Variants in CD2 observed in about 807,000 individuals in gnomAD.
CD2 encodes the protein CD2 molecule, also known as T-cell surface antigen CD2.
A neutral mutation model predicts 23.2 loss-of-function variants in CD2; 18 were observed. The observed-to-expected ratio is 0.77, with a 90% confidence interval of 0.54 to 1.15. CD2 has a LOEUF of 1.15. Ranked by LOEUF, CD2 falls within the 50% of genes most tolerant of loss-of-function variation. CD2 has a pLI of 0.00. For synonymous variants in CD2, 162 were observed against 151.9 expected, an observed-to-expected ratio of 1.07 and a Z score of -0.49; for missense variants, 424 against 423.1, an observed-to-expected ratio of 1.00 and a Z score of -0.02.
chr1:116,755,278 GTTGCTGATGAA>G (rs1651804026), intron 2 of CD2, among the ~76,000 whole-genome samples: 1 of 152,218 alleles, frequency 6.6e-6, no homozygotes, highest in Non-Finnish European at 1.5e-5. Context: ...ACTGTTCCAG[GTTGCTGATGAA>G]TCGGCGAGCT....
At chr1:116,764,133 T>C (rs1367960681) in intron 3 of CD2, among the ~76,000 whole-genome samples, 1 of 151,978 alleles carries the variant, frequency 6.6e-6, no homozygotes, top group African/African-American at 2.4e-5. Context: ...GGGCCTCATG[T>C]TTGAAGCTAG....
At position 116,754,492 on chromosome 1, in the gene CD2, G is replaced by A; in HGVS notation, c.-1G>A. ...ATCAAAAGAGGAAACCAACCCCTAA[G>A]ATGAGCTTTCCATGTAAATTTGTAG... On this transcript the variant is annotated 5_prime_UTR_variant, in exon 1 of 5. Coordinates refer to ENST00000369478, the MANE Select transcript of CD2 (RefSeq NM_001767.5). 6.2e-7 allele frequency: 1 copy of A among 1,613,924 alleles called. No homozygotes were observed.
chr1:116,755,129 A>G, intron 2 of CD2, 178 bp downstream of exon 2: 9 of 609,644 alleles, frequency 1.5e-5, no homozygotes. Context: ...AATGGGATCC[A>G]CACATCTGAT....
intron 2 of CD2, among the ~76,000 whole-genome samples, chr1:116,755,276 A>G (rs1651803964): frequency 6.6e-6 from 1 of 152,198 alleles, no homozygotes; most frequent in Admixed American, 6.5e-5. Context: ...CAACTGTTCC[A>G]GGTTGCTGAT....
Position 116,760,622 on chromosome 1 carries a change from C to A in CD2, c.603C>A (p.Val201=). 1 of 1,614,008 alleles carries A rather than the reference C, an allele frequency of 6.2e-7. No homozygotes were observed. Among genetic ancestry groups the A allele is most frequent in the South Asian group, 1.1e-5 (1 of 91,038 alleles). Residue 201 remains valine, a synonymous_variant, in exon 3 of 5, where the codon GTC becomes GTA. Coordinates refer to ENST00000369478, the MANE Select transcript of CD2 (RefSeq NM_001767.5). ...KVSKESSVEP[V]SCPEKGLDIY... ...GCAAGGAATCCAGTGTCGAGCCTGT[C>A]AGCTGTCCAGGTGCGTGGCGGGCAT...
chr1:116,764,654 A>T (rs779341130), intron 4 of CD2, 48 bp downstream of exon 4: 2 of 1,395,228 alleles, frequency 1.4e-6, no homozygotes, highest in Non-Finnish European at 2.0e-6. Flanking sequence ...CAAAATCCCC[A>T]TGAAACAGCT....
chr1:116,762,131 G>A (rs1461392211), intron 3 of CD2, among the ~76,000 whole-genome samples: 4 of 152,120 alleles, frequency 2.6e-5, no homozygotes, highest in Admixed American at 6.5e-5. Context: ...CAGTGGCCTC[G>A]GGAGATCTTT....
chr1:116,754,853 A>G lies in CD2; in HGVS notation c.284A>G (p.Lys95Arg). 2 of 1,612,680 alleles carry G rather than the reference A, an allele frequency of 1.2e-6. No homozygotes were observed. Among genetic ancestry groups the G allele is most frequent in the African/African-American group, 1.3e-5 (1 of 75,002 alleles). Residue 95 changes from lysine (K) to arginine (R), a missense_variant, in exon 2 of 5, where the codon AAG (lysine) becomes AGG (arginine). Physicochemically the swap from Lys to Arg is conservative, Grantham distance 26. Transcript: ENST00000369478. ...TTTAAAAATGGAACTCTGAAAATTA[A>G]GCATCTGAAGACCGATGATCAGGAT... ...KLFKNGTLKI[K>R]HLKTDDQDIY... is the part of the protein sequence containing the mutation.
intron 3 of CD2, among the ~76,000 whole-genome samples, chr1:116,762,345 A>T (rs1652080884): frequency 6.6e-6 from 1 of 152,044 alleles, no homozygotes; most frequent in East Asian, 1.9e-4. Context: ...TGTATTAGGG[A>T]TGGAAGGAGG....
At chr1:116,755,292 G>T (rs144572240) in intron 2 of CD2, among the ~76,000 whole-genome samples, 9 of 152,332 alleles carry the variant, frequency 5.9e-5, no homozygotes, top group Admixed American at 5.2e-4. Flanking sequence ...CTGATGAATC[G>T]GCGAGCTAAG....
intron 2 of CD2, among the ~76,000 whole-genome samples, chr1:116,756,843 A>G (rs1318295292): frequency 6.6e-6 from 1 of 152,056 alleles, no homozygotes; most frequent in Admixed American, 6.6e-5. Flanking sequence ...CAAATTCCCT[A>G]TCTGCTGTGA....
chr1:116,765,935 TAAC>T (rs1652202381), intron 4 of CD2, among the ~76,000 whole-genome samples: 2 of 152,264 alleles, frequency 1.3e-5, no homozygotes, highest in East Asian at 1.9e-4. Flanking sequence ...AGGAGATAGA[TAAC>T]AACACAGATG....
At chr1:116,754,592 C>T in intron 1 of CD2, 39 bp downstream of exon 1, 2 of 1,609,468 alleles carry the variant, frequency 1.2e-6, no homozygotes, top group Non-Finnish European at 1.7e-6. Flanking sequence ...CCCAGCTTTC[C>T]CTGAAAGTGA....
rs549176417 is a variant in CD2 at position 116,757,503 on chromosome 1, G to A, written c.382+2552G>A. ...AGACGCTATCTTAGTGAATGTATAC[G>A]GAGGTACTACTCCACAAGGGTGCCC... On this transcript the variant is annotated intron_variant, in intron 2 of 4. Transcript: ENST00000369478. Among the ~76,000 whole-genome samples the A allele has an allele frequency of 2.4e-4, 36 of 152,192 alleles. 2 individuals carry two copies. In the South Asian group the frequency reaches 5.6e-3, roughly 24 times the overall value.
At chr1:116,761,222 C>T (rs1259494948) in intron 3 of CD2, among the ~76,000 whole-genome samples, 1 of 152,150 alleles carries the variant, frequency 6.6e-6, no homozygotes, top group African/African-American at 2.4e-5. Context: ...ATAATGGATC[C>T]CCAGTGTCCC....
intron 3 of CD2, among the ~76,000 whole-genome samples, chr1:116,763,703 T>C (rs914772840): frequency 2.0e-5 from 3 of 152,190 alleles, no homozygotes; most frequent in Admixed American, 1.3e-4. Context: ...AGAGGTGAAG[T>C]AACTCTCCAA....
At chr1:116,765,367 C>G (rs1251155659) in intron 4 of CD2, among the ~76,000 whole-genome samples, 1 of 152,136 alleles carries the variant, frequency 6.6e-6, no homozygotes, top group Non-Finnish European at 1.5e-5. Context: ...TTGGTCTCTC[C>G]CTAGAACCGG....
chr1:116,767,378 G>A (rs896569499), intron 4 of CD2, among the ~76,000 whole-genome samples: 1 of 152,092 alleles, frequency 6.6e-6, no homozygotes. Context: ...CAGATCACCT[G>A]GTCGGGAGTT....
intron 3 of CD2, among the ~76,000 whole-genome samples, chr1:116,764,004 G>T (rs879099237): frequency 6.6e-6 from 1 of 152,052 alleles, no homozygotes; most frequent in African/African-American, 2.4e-5. Flanking sequence ...TGGTGCAGTG[G>T]GGGTAGCCAG....
Sources: allele counts gnomAD v4.1 joint callset (sites outside exome capture counted in the v4.1 genomes callset), GRCh38; gene constraint gnomAD v4.1.1; transcripts MANE v1.5; gene names NCBI Gene and HGNC (gene_info 2026-07-23, HGNC 2026-07-21).